Variants in FARP1 observed in about 807,000 individuals in gnomAD.
The protein encoded by FARP1 is FERM, ARH/RhoGEF and pleckstrin domain protein 1.
Under a neutral mutation model 128.8 loss-of-function variants are expected in FARP1, and 52 were observed. The observed-to-expected ratio is 0.40, with a 90% confidence interval of 0.32 to 0.51. The LOEUF (loss-of-function observed/expected upper bound fraction) is 0.51, where lower values mean the gene tolerates loss of function less well. Among genes scored for constraint, FARP1 ranks in the 20% least tolerant of loss-of-function variants. The pLI, the probability that FARP1 is intolerant of heterozygous loss-of-function variation, is 0.45. For missense variants in FARP1, 1,333 were observed against 1,367.9 expected (o/e 0.97, Z 0.40); for synonymous variants, 580 against 551.8 (o/e 1.05, Z -0.72).
intron 24 of FARP1, among the ~76,000 whole-genome samples, chr13:98,443,051 C>T (rs777686239): frequency 7.2e-5 from 11 of 152,250 alleles, no homozygotes; most frequent in Admixed American, 1.3e-4. Context: ...TGTGCATGAT[C>T]AGGTCAAGGC....
intron 6 of FARP1, chr13:98,381,600 A>G (rs1413356757): frequency 6.6e-6 from 1 of 152,220 alleles, no homozygotes; most frequent in African/African-American, 2.4e-5. Context: ...GTTGGCCCTG[A>G]TGTAAAGAGC....
At chr13:98,346,466 C>T (rs1352574030) in intron 3 of FARP1, among the ~76,000 whole-genome samples, 1 of 150,900 alleles carries the variant, frequency 6.6e-6, no homozygotes, top group Non-Finnish European at 1.5e-5. Flanking sequence ...CTTTTGAGGC[C>T]GGGTGTGGTG....
In FARP1 at chr13:98,451,456, A is replaced by G. The variant is rs1893188512; in HGVS notation, c.*3139A>G. 1 of 152,208 alleles carries G rather than the reference A, an allele frequency of 6.6e-6. No individual in the cohort carries two copies. The highest frequency in any genetic ancestry group is 1.5e-5 in the Non-Finnish European group (1 of 68,042). The allele number at this position is 152,208 out of a possible 1,614,324, so 9.4% of individuals were successfully genotyped here. The stretch of plus-strand genomic sequence containing the variant: ...TCCCCAACCAAAATATATCCCTTAT[A>G]CAAATTAAGAGTTCAACCCAAATCC... On this transcript the variant is annotated 3_prime_UTR_variant, in exon 27 of 27. Transcript: ENST00000319562.
chr13:98,384,420 T>C (rs1267230261), intron 6 of FARP1: 1 of 308,940 alleles, frequency 3.2e-6, no homozygotes, highest in Non-Finnish European at 6.0e-6. Context: ...CTCGAACTCC[T>C]GACCTCAAGT....
At position 98,277,293 on chromosome 13, in the gene FARP1, C is replaced by T. The variant is rs372621059; in HGVS notation, c.171+63880C>T. Among the ~76,000 whole-genome samples, 14 of 152,158 alleles carry T rather than the reference C, an allele frequency of 9.2e-5. 1 individual carries two copies. Among genetic ancestry groups the T allele is most frequent in the Middle Eastern group, 3.4e-3 (1 of 294 alleles). On this transcript the variant is annotated intron_variant, in intron 2 of 26. Coordinates refer to ENST00000319562, the MANE Select transcript of FARP1 (RefSeq NM_005766.4). ...ATGGCCTCGCGTGTAGCTGGGACTG[C>T]AGACACACACCACCTTGCCTGGCTA...
At chr13:98,446,847 C>T (rs1892874067) in intron 26 of FARP1, 30 bp downstream of exon 26, 1 of 1,611,324 alleles carries the variant, frequency 6.2e-7, no homozygotes, top group South Asian at 1.1e-5. Context: ...GCACAGGGCC[C>T]TGCAGAAGAG....
At chr13:98,230,779 C>T (rs1262998493) in intron 2 of FARP1, among the ~76,000 whole-genome samples, 1 of 152,154 alleles carries the variant, frequency 6.6e-6, no homozygotes, top group Non-Finnish European at 1.5e-5. Context: ...GAAACAGCCT[C>T]TAATTTGTCA....
chr13:98,322,459 A>C (rs187985226), intron 2 of FARP1, among the ~76,000 whole-genome samples: 1 of 152,172 alleles, frequency 6.6e-6, no homozygotes, highest in African/African-American at 2.4e-5. Context: ...CCAAATCCAC[A>C]TGCTTCTGGG....
Position 98,176,943 on chromosome 13 carries a change from G to A in FARP1, c.-24+33451G>A, listed in dbSNP as rs1348921685. The A allele has an allele frequency of 1.2e-6, 2 of 1,602,650 alleles. No individual in the cohort carries two copies. The highest frequency in any genetic ancestry group is 2.2e-5 in the South Asian group (2 of 91,054). ...CCTCTGGCCCCACAGGCTTCGCCGA[G>A]CGGGTGGACCTGTACACCACGTCGA... On this transcript the variant is annotated intron_variant, in intron 1 of 26. Transcript: ENST00000319562. The surrounding 1 kb of genome is among the most constrained non-coding windows in gnomAD (Gnocchi z 6.2).
chr13:98,449,655 GC>G lies in FARP1; in HGVS notation c.*1340del. 6.5e-6 allele frequency: 1 copy of G among 152,688 alleles called. No individual in the cohort carries two copies. Among genetic ancestry groups the G allele is most frequent in the East Asian group, 1.9e-4 (1 of 5,186 alleles). 9.5% of individuals were successfully genotyped at this position (152,688 alleles called of 1,614,324 possible). On this transcript the variant is annotated 3_prime_UTR_variant, in exon 27 of 27. Transcript: ENST00000319562. ...CAACTTGCAAACGGACGAAGAGCCT[GC>G]CGTGTGTTAATCATTTGCCTTACAA...
At chr13:98,309,303 C>A (rs598545) in intron 2 of FARP1, among the ~76,000 whole-genome samples, 122,201 of 147,564 alleles carry the variant, frequency 0.83, 50,729 homozygotes, top group East Asian at 1. Context: ...AGTAGCTGGG[C>A]CTACAGGCGC....
At chr13:98,223,351 G>C (rs1034944048) in intron 2 of FARP1, among the ~76,000 whole-genome samples, 1 of 152,228 alleles carries the variant, frequency 6.6e-6, no homozygotes, top group East Asian at 1.9e-4. Context: ...GTTTGAGACA[G>C]AGTCTTGCTC....
chr13:98,339,346 A>G (rs2139859015), intron 2 of FARP1, among the ~76,000 whole-genome samples: 1 of 152,304 alleles, frequency 6.6e-6, no homozygotes, highest in South Asian at 2.1e-4. Context: ...ACATACTTTT[A>G]AACCATCAGA....
chr13:98,437,582 G>T (rs1892325128), intron 19 of FARP1, among the ~76,000 whole-genome samples: 1 of 152,156 alleles, frequency 6.6e-6, no homozygotes, highest in Non-Finnish European at 1.5e-5. Flanking sequence ...CTTCGTGCAG[G>T]GTGATAACGC....
intron 9 of FARP1, 114 bp downstream of exon 9, chr13:98,388,592 C>G: frequency 1.3e-6 from 1 of 774,384 alleles, no homozygotes; most frequent in Non-Finnish European, 2.2e-6. Flanking sequence ...CAGTGCTACC[C>G]AGGTGCTTTT....
chr13:98,333,022 G>A (rs1887575964), intron 2 of FARP1: 1 of 152,120 alleles, frequency 6.6e-6, no homozygotes, highest in Non-Finnish European at 1.5e-5. Context: ...AGGTTCAGTG[G>A]GCTGAATGCA....
chr13:98,219,802 A>C (rs1881306631), intron 2 of FARP1, among the ~76,000 whole-genome samples: 1 of 151,828 alleles, frequency 6.6e-6, no homozygotes, highest in African/African-American at 2.4e-5. Context: ...AGTTGCTGAG[A>C]CTACAGGCAC....
chr13:98,405,090 A>C (rs1566296536), intron 13 of FARP1: 5 of 152,194 alleles, frequency 3.3e-5, no homozygotes. Context: ...GAAGCCTTGA[A>C]TACCGGTACA....
intron 2 of FARP1, among the ~76,000 whole-genome samples, chr13:98,305,886 T>C (rs202049784): frequency 6.6e-6 from 1 of 152,002 alleles, no homozygotes; most frequent in East Asian, 1.9e-4. Context: ...CACTTTCATC[T>C]TCATTGGCCA....
Sources: allele counts gnomAD v4.1 joint callset (sites outside exome capture counted in the v4.1 genomes callset), GRCh38; gene constraint gnomAD v4.1.1; non-coding constraint Gnocchi (gnomAD v3.1); transcripts MANE v1.5; gene names NCBI Gene and HGNC (gene_info 2026-07-23, HGNC 2026-07-21).